The following STK32B variants were observed in gnomAD, a reference collection of about 807,000 sequenced individuals.
STK32B encodes serine/threonine-protein kinase 32B.
In STK32B, 43 loss-of-function variants were observed where a neutral mutation model predicts 52.6. The ratio of observed to expected loss-of-function variants is 0.82; its 90% confidence interval spans 0.64 to 1.05. The LOEUF (loss-of-function observed/expected upper bound fraction) is 1.05, where lower values mean the gene tolerates loss of function less well. STK32B is among the 50% of genes least tolerant of loss of function. The pLI is 0.00. For missense variants in STK32B, 621 were observed against 534.6 expected, an observed-to-expected ratio of 1.16 and a Z score of -1.59; for synonymous variants, 238 against 204.3, an observed-to-expected ratio of 1.17 and a Z score of -1.41.
intron 2 of STK32B, among the ~76,000 whole-genome samples, chr4:5,151,123 A>G (rs1717331961): frequency 2.6e-5 from 4 of 152,178 alleles, no homozygotes; most frequent in East Asian, 1.9e-4. Flanking sequence ...TAGAAGGTCT[A>G]TTTCTAAGTT....
chr4:5,029,526 G>A, the STK32B span, among the ~76,000 whole-genome samples: 926 of 152,234 alleles, frequency 6.1e-3, 8 homozygotes, highest in African/African-American at 0.021. Flanking sequence ...AAGGAAATGG[G>A]AACCTGAGAC....
At chr4:5,074,213 C>T (rs910549045) in intron 1 of STK32B, among the ~76,000 whole-genome samples, 64 of 121,514 alleles carry the variant, frequency 5.3e-4, no homozygotes, top group Admixed American at 3.0e-3. Context: ...TGTGTGTGCG[C>T]GTGCGTGAAA....
chr4:5,201,460 C>T (rs1172926780), intron 3 of STK32B, among the ~76,000 whole-genome samples: 2 of 152,140 alleles, frequency 1.3e-5, no homozygotes, highest in African/African-American at 4.8e-5. Context: ...TATCCATACT[C>T]AGATCAGTGA....
chr4:5,375,239 C>T (rs575825625), intron 4 of STK32B, among the ~76,000 whole-genome samples: 3 of 152,244 alleles, frequency 2.0e-5, no homozygotes, highest in Non-Finnish European at 1.5e-5. Flanking sequence ...CCTTCCAGCT[C>T]ACTTGCAATT....
At chr4:5,193,561 C>T (rs143245500) in intron 3 of STK32B, among the ~76,000 whole-genome samples, 343 of 152,350 alleles carry the variant, frequency 2.3e-3, no homozygotes, top group Non-Finnish European at 2.7e-3. Flanking sequence ...GCAGGGATAA[C>T]AGGTGTGCCA....
At chr4:5,443,055 A>G (rs1398725769) in intron 6 of STK32B, among the ~76,000 whole-genome samples, 1 of 148,718 alleles carries the variant, frequency 6.7e-6, no homozygotes, top group Non-Finnish European at 1.5e-5. Context: ...CTTCATTTCA[A>G]CTTTGGTGAA....
chr4:5,317,388 T>C (rs1366600964), intron 3 of STK32B, among the ~76,000 whole-genome samples: 2 of 76,404 alleles, frequency 2.6e-5, no homozygotes. Context: ...ATATTACATA[T>C]ATATAATATA....
At chr4:5,266,475 T>TG (rs776553611) in intron 3 of STK32B, among the ~76,000 whole-genome samples, 41 of 152,280 alleles carry the variant, frequency 2.7e-4, no homozygotes, top group Non-Finnish European at 4.3e-4. Flanking sequence ...CAACAACAGC[T>TG]GGTTAATTAA....
intron 6 of STK32B, among the ~76,000 whole-genome samples, chr4:5,437,766 CAA>C (rs1193741988): frequency 6.6e-6 from 1 of 152,198 alleles, no homozygotes; most frequent in Non-Finnish European, 1.5e-5. Flanking sequence ...TGGCACCTGA[CAA>C]ATCACGGTTG....
chr4:5,494,214 A>G (rs1720002421), intron 11 of STK32B, among the ~76,000 whole-genome samples: 1 of 152,140 alleles, frequency 6.6e-6, no homozygotes, highest in African/African-American at 2.4e-5. Context: ...GTTGGAGTCT[A>G]AGTATCTTTG....
the STK32B span, among the ~76,000 whole-genome samples, chr4:5,027,219 C>T: frequency 1.3e-5 from 2 of 152,256 alleles, no homozygotes; most frequent in East Asian, 3.8e-4. Context: ...AGTTGGCCCA[C>T]ATGGCCCAGA....
intron 3 of STK32B, among the ~76,000 whole-genome samples, chr4:5,212,839 A>G (rs1398644451): frequency 6.6e-6 from 1 of 152,172 alleles, no homozygotes; most frequent in Non-Finnish European, 1.5e-5. Flanking sequence ...GATCTCGATG[A>G]GTGAGAGGAA....
chr4:5,208,075 C>T (rs998048472), intron 3 of STK32B, among the ~76,000 whole-genome samples: 1 of 152,196 alleles, frequency 6.6e-6, no homozygotes, highest in African/African-American at 2.4e-5. Flanking sequence ...AGGTCTCTTT[C>T]TTGTTGGATA....
chr4:5,126,195 CT>C (rs1421601421), intron 1 of STK32B, among the ~76,000 whole-genome samples: 3 of 152,212 alleles, frequency 2.0e-5, no homozygotes, highest in Non-Finnish European at 4.4e-5. Flanking sequence ...TCCTCCACTT[CT>C]TTGTTAAAAT....
chr4:5,035,440 G>A, the STK32B span, among the ~76,000 whole-genome samples: 42 of 152,334 alleles, frequency 2.8e-4, no homozygotes, highest in East Asian at 7.7e-3. Context: ...AGGAGAGGCA[G>A]GAGGGATGAA....
At chr4:5,177,806 T>C (rs56241638) in intron 3 of STK32B, among the ~76,000 whole-genome samples, 8,480 of 152,298 alleles carry the variant, frequency 0.056, 433 homozygotes, top group Admixed American at 0.17. Context: ...CAAAATGATC[T>C]CCTTTGACTT....
the STK32B span, among the ~76,000 whole-genome samples, chr4:5,045,749 T>C: frequency 2.0e-5 from 3 of 152,202 alleles, no homozygotes; most frequent in Non-Finnish European, 4.4e-5. Flanking sequence ...ATTTTGCACA[T>C]TGATTTTGTA....
chr4:5,363,452 G>A (rs894094140), intron 4 of STK32B, among the ~76,000 whole-genome samples: 1 of 152,208 alleles, frequency 6.6e-6, no homozygotes, highest in African/African-American at 2.4e-5. Flanking sequence ...GCCTTGATGA[G>A]CTGTGTCCTG....
chr4:5,272,283 C>T (rs1395219326), intron 3 of STK32B, among the ~76,000 whole-genome samples: 3 of 148,118 alleles, frequency 2.0e-5, no homozygotes, highest in Non-Finnish European at 3.0e-5. Context: ...TTGTCTTTGG[C>T]TCTGTTTATA....
Sources: gnomAD v4.1 joint callset for allele counts (sites outside exome capture counted in the v4.1 genomes callset) on GRCh38, gnomAD v4.1.1 for gene constraint, MANE v1.5 for transcripts, NCBI Gene and HGNC (gene_info 2026-07-23, HGNC 2026-07-21) for gene names.